STAB2: variants seen among roughly 807,000 people sequenced by gnomAD.
STAB2 encodes stabilin 2, also known as stabilin-2.
A neutral mutation model predicts 338.1 loss-of-function variants in STAB2; 288 were observed. That is an observed-to-expected ratio of 0.85 (90% CI 0.77 to 0.94). The LOEUF is 0.94. Among genes scored for constraint, STAB2 ranks in the 40% least tolerant of loss-of-function variants. STAB2 has a pLI of 0.00. For missense variants in STAB2, 3,141 were observed against 3,210.1 expected (o/e 0.98, Z 0.52); for synonymous variants, 1,202 against 1,193.3 (o/e 1.01, Z -0.15).
chr12:103,670,077 A>G (rs573084857), intron 21 of STAB2, among the ~76,000 whole-genome samples: 2 of 152,360 alleles, frequency 1.3e-5, no homozygotes, highest in Non-Finnish European at 2.9e-5. Flanking sequence ...AGGCAAAAGT[A>G]GCTGTGGTTC....
At chr12:103,666,266 A>G (rs1450427578) in intron 18 of STAB2, 25 bp from the exon 19 acceptor site, 4 of 1,613,118 alleles carry the variant, frequency 2.5e-6, no homozygotes, top group Admixed American at 3.3e-5. Flanking sequence ...GGACACCTGC[A>G]CTGACCTCCT....
At chr12:103,705,829 A>T in intron 37 of STAB2, 102 bp downstream of exon 37, 1 of 1,072,998 alleles carries the variant, frequency 9.3e-7, no homozygotes, top group East Asian at 2.5e-5. Context: ...GCTTTCTGCC[A>T]TCTCCTCTTC....
intron 3 of STAB2, among the ~76,000 whole-genome samples, chr12:103,605,772 AAT>A (rs1385161842): frequency 6.6e-6 from 1 of 152,032 alleles, no homozygotes; most frequent in Non-Finnish European, 1.5e-5. Context: ...ATCTAATATT[AAT>A]ATGAGCTACT....
intron 6 of STAB2, among the ~76,000 whole-genome samples, chr12:103,636,176 T>C (rs1418753346): frequency 6.6e-6 from 1 of 151,754 alleles, no homozygotes; most frequent in Non-Finnish European, 1.5e-5. Flanking sequence ...TAGGTGTATC[T>C]CCTAATGCTA....
At chr12:103,686,005 T>C (rs1171482927) in intron 27 of STAB2, among the ~76,000 whole-genome samples, 1 of 152,226 alleles carries the variant, frequency 6.6e-6, no homozygotes, top group African/African-American at 2.4e-5. Context: ...CAGTGAGAAC[T>C]TGTGATATTT....
At chr12:103,677,724 A>G (rs962234057) in intron 25 of STAB2, 113 bp downstream of exon 25, 157 of 1,363,518 alleles carry the variant, frequency 1.2e-4, no homozygotes, top group Non-Finnish European at 1.4e-4. Context: ...TTTTTCAGTC[A>G]TTCGTGGCAG....
chr12:103,751,814 T>C (rs1883682245), intron 60 of STAB2, among the ~76,000 whole-genome samples: 1 of 152,202 alleles, frequency 6.6e-6, no homozygotes, highest in Admixed American at 6.5e-5. Flanking sequence ...CTCTTCTGTT[T>C]TCTTATGAAT....
chr12:103,654,720 A>C (rs1033793912), intron 13 of STAB2, 22 bp downstream of exon 13: 4 of 1,610,200 alleles, frequency 2.5e-6, no homozygotes, highest in Non-Finnish European at 3.4e-6. Flanking sequence ...GATAAAAGTC[A>C]CATCAGGCCA....
intron 3 of STAB2, among the ~76,000 whole-genome samples, chr12:103,603,140 G>T (rs978233859): frequency 6.6e-6 from 1 of 152,000 alleles, no homozygotes. Flanking sequence ...GCGCGATCTC[G>T]GCTCACTGCA....
At chr12:103,675,784 C>G (rs1489387393) in intron 23 of STAB2, 144 bp from the exon 24 acceptor site, 3 of 592,442 alleles carry the variant, frequency 5.1e-6, no homozygotes, top group African/African-American at 1.9e-5. Flanking sequence ...AGAAGTACCC[C>G]GACCACATTT....
chr12:103,699,257 A>G (rs755241536), intron 34 of STAB2, 30 bp downstream of exon 34: 9 of 1,577,456 alleles, frequency 5.7e-6, no homozygotes, highest in Non-Finnish European at 7.8e-6. Flanking sequence ...AACCCCAGCA[A>G]TGCCACCGAG....
chr12:103,640,624 C>T (rs1045700829), intron 9 of STAB2, among the ~76,000 whole-genome samples: 1 of 152,124 alleles, frequency 6.6e-6, no homozygotes, highest in African/African-American at 2.4e-5. Flanking sequence ...TGACATATTG[C>T]TTGTTAGAGG....
chr12:103,670,899 A>G, intron 22 of STAB2, 92 bp downstream of exon 22: 1 of 1,030,702 alleles, frequency 9.7e-7, no homozygotes, highest in Non-Finnish European at 1.5e-6. Flanking sequence ...GTGTCTCAGG[A>G]CCCCTTTGCT....
At chr12:103,620,831 C>T (rs911030037) in intron 4 of STAB2, among the ~76,000 whole-genome samples, 3 of 152,212 alleles carry the variant, frequency 2.0e-5, no homozygotes, top group Admixed American at 6.5e-5. Context: ...GGAGCAGTGG[C>T]TTACGCCTGG....
rs781360082 is a variant in STAB2, at chr12:103,699,258, T to C, written c.3714+31T>C. The C allele has an allele frequency of 7.6e-6, 12 of 1,573,450 alleles. No homozygotes were observed. The Admixed American group carries it at 1.4e-4, about 18-fold the overall frequency. ...ATCCTTTTATGTAAAACCCCAGCAA[T>C]GCCACCGAGAATTACATCAGGGAGA... On this transcript the variant is annotated intron_variant, in intron 34 of 68. Transcript: ENST00000388887.
chr12:103,694,705 G>A (rs1878248206), intron 31 of STAB2, among the ~76,000 whole-genome samples: 1 of 152,038 alleles, frequency 6.6e-6, no homozygotes, highest in Admixed American at 6.6e-5. Context: ...GCCTGTAGTA[G>A]GCAAGCAATA....
chr12:103,633,800 G>GT (rs1421738959), intron 6 of STAB2, among the ~76,000 whole-genome samples: 3 of 152,084 alleles, frequency 2.0e-5, no homozygotes, highest in Non-Finnish European at 4.4e-5. Context: ...ATTTTCATTT[G>GT]TTTTTTTATT....
intron 36 of STAB2, chr12:103,705,042 G>T: frequency 6.3e-6 from 1 of 158,552 alleles, no homozygotes; most frequent in Non-Finnish European, 1.4e-5. Flanking sequence ...GGGGGAGGTA[G>T]ACAATCCATG....
intron 44 of STAB2, among the ~76,000 whole-genome samples, chr12:103,723,771 C>T (rs1880958297): frequency 6.6e-6 from 1 of 152,072 alleles, no homozygotes; most frequent in African/African-American, 2.4e-5. Flanking sequence ...ACCTTGCCAG[C>T]TGGCTGGGGT....
Sources: allele counts gnomAD v4.1 joint callset (sites outside exome capture counted in the v4.1 genomes callset), GRCh38; gene constraint gnomAD v4.1.1; transcripts MANE v1.5; gene names NCBI Gene and HGNC (gene_info 2026-07-23, HGNC 2026-07-21).